The following DPP10 variants were observed in gnomAD, a reference collection of about 807,000 sequenced individuals.
The protein encoded by DPP10 is dipeptidyl peptidase like 10.
In DPP10, 33 loss-of-function variants were observed where a neutral mutation model predicts 120.9. The observed-to-expected ratio is 0.27, with a 90% CI of 0.21 to 0.37. The LOEUF (loss-of-function observed/expected upper bound fraction) is 0.37, where lower values mean the gene tolerates loss of function less well. DPP10 is among the 10% of genes least tolerant of loss of function. The pLI is 1.00. For synonymous variants in DPP10, 337 were observed against 326.1 expected, an observed-to-expected ratio of 1.03 and a Z score of -0.36; for missense variants, 816 against 942.8, an observed-to-expected ratio of 0.87 and a Z score of 1.76.
At chr2:114,620,604 A>G (rs1694020709) in intron 1 of DPP10, among the ~76,000 whole-genome samples, 1 of 152,080 alleles carries the variant, frequency 6.6e-6, no homozygotes, top group Non-Finnish European at 1.5e-5. Flanking sequence ...TCTCTTTTCA[A>G]TTGACAGTGA....
chr2:115,428,009 A>T (rs1172173810), intron 3 of DPP10, among the ~76,000 whole-genome samples: 2 of 152,168 alleles, frequency 1.3e-5, no homozygotes, highest in Non-Finnish European at 2.9e-5. Flanking sequence ...CTGAAGTTCA[A>T]ACTTCCACAG....
chr2:115,467,767 A>G (rs544265949), intron 3 of DPP10, among the ~76,000 whole-genome samples: 13 of 152,312 alleles, frequency 8.5e-5, no homozygotes, highest in South Asian at 6.2e-4. Context: ...TTTGACTACA[A>G]TGGAATATTT....
intron 1 of DPP10, among the ~76,000 whole-genome samples, chr2:115,189,114 G>A (rs2054677006): frequency 6.6e-6 from 1 of 152,166 alleles, no homozygotes; most frequent in Admixed American, 6.5e-5. Context: ...CAGCAAGGCA[G>A]TTTTACTTCT....
At chr2:115,830,420 A>AT (rs935725014) in intron 21 of DPP10, among the ~76,000 whole-genome samples, 84 of 151,020 alleles carry the variant, frequency 5.6e-4, no homozygotes, top group Non-Finnish European at 9.6e-4. Flanking sequence ...TCTTATAAAC[A>AT]TTTTTTTTTA....
chr2:114,893,605 A>G (rs1475926653), intron 1 of DPP10, among the ~76,000 whole-genome samples: 3 of 152,184 alleles, frequency 2.0e-5, no homozygotes, highest in Non-Finnish European at 4.4e-5. Flanking sequence ...CAGATATGAC[A>G]AGGCAGAAGA....
intron 5 of DPP10, among the ~76,000 whole-genome samples, chr2:115,573,517 C>T (rs1438301154): frequency 6.6e-6 from 1 of 150,532 alleles, no homozygotes; most frequent in African/African-American, 2.4e-5. Flanking sequence ...CTCCTGACCT[C>T]GTGATCCGCC....
Position 114,942,147 on chromosome 2 carries a change from C to T in DPP10, c.61-367092C>T, listed in dbSNP as rs192381984. Among the ~76,000 whole-genome samples, 141 of 150,846 alleles carry T rather than the reference C, an allele frequency of 9.3e-4. 1 individual carries two copies. Among genetic ancestry groups the T allele is most frequent in the African/African-American group, 2.9e-3 (121 of 41,082 alleles). ...AATTAGCCAGGCGCGGTGGTGGGTG[C>T]CTATAGTCCCAGCTACTCGGGAGAC... On this transcript the variant is annotated intron_variant, in intron 1 of 25. Coordinates refer to ENST00000410059, the MANE Select transcript of DPP10 (RefSeq NM_020868.6).
chr2:115,199,674 T>G (rs901193417), intron 1 of DPP10, among the ~76,000 whole-genome samples: 6 of 151,930 alleles, frequency 3.9e-5, no homozygotes, highest in Non-Finnish European at 8.8e-5. Context: ...ACATTACTTT[T>G]TCTTTTATTC....
At chr2:115,082,140 A>G (rs746351586) in intron 1 of DPP10, among the ~76,000 whole-genome samples, 4 of 152,106 alleles carry the variant, frequency 2.6e-5, no homozygotes, top group Non-Finnish European at 4.4e-5. Flanking sequence ...CTGTAAGCAG[A>G]CCCTCCCATT....
At chr2:115,798,512 A>G (rs573377194) in intron 19 of DPP10, among the ~76,000 whole-genome samples, 83 of 152,182 alleles carry the variant, frequency 5.5e-4, no homozygotes, top group African/African-American at 1.7e-3. Context: ...ACAGTACATT[A>G]TGAATCATGT....
chr2:115,014,811 T>G (rs1702513918), intron 1 of DPP10, among the ~76,000 whole-genome samples: 1 of 134,696 alleles, frequency 7.4e-6, no homozygotes, highest in African/African-American at 2.8e-5. Context: ...AATCCCTGAA[T>G]AGACCAATAA....
At chr2:114,601,703 G>A (rs918938012) in intron 1 of DPP10, among the ~76,000 whole-genome samples, 1 of 151,972 alleles carries the variant, frequency 6.6e-6, no homozygotes, top group African/African-American at 2.4e-5. Context: ...TGTTACATCT[G>A]AGAAATACAG....
chr2:115,433,749 A>G (rs181737764), intron 3 of DPP10, among the ~76,000 whole-genome samples: 4 of 152,078 alleles, frequency 2.6e-5, no homozygotes, highest in Admixed American at 2.6e-4. Context: ...AACTCCATTT[A>G]TTTCCTTAAA....
chr2:114,509,909 T>C (rs983228223), intron 1 of DPP10, among the ~76,000 whole-genome samples: 3 of 152,224 alleles, frequency 2.0e-5, no homozygotes, highest in Non-Finnish European at 2.9e-5. Flanking sequence ...TGTTTTTACA[T>C]TCATTTTGTG....
At chr2:115,772,186 A>G (rs1008117159) in intron 13 of DPP10, among the ~76,000 whole-genome samples, 5 of 152,168 alleles carry the variant, frequency 3.3e-5, no homozygotes, top group African/African-American at 1.2e-4. Flanking sequence ...TTTTCCCACA[A>G]TGCTAAATAA....
In DPP10 at chr2:114,442,847, T is replaced by C; in HGVS notation, c.60+9T>C. The stretch of plus-strand genomic sequence containing the variant: ...CCTCAAAAACAATCAAGGTAGGATC[T>C]GGTTTTTCCCTCTGCTTCTGCACAT... On this transcript the variant is annotated intron_variant, in intron 1 of 25. Coordinates refer to ENST00000410059, the MANE Select transcript of DPP10 (RefSeq NM_020868.6). The C allele has an allele frequency of 2.5e-6, 4 of 1,613,252 alleles. No homozygotes were observed. The highest frequency in any genetic ancestry group is 3.4e-6 in the Non-Finnish European group (4 of 1,179,466).
intron 1 of DPP10, among the ~76,000 whole-genome samples, chr2:114,812,454 G>A (rs1019541812): frequency 6.6e-6 from 1 of 151,896 alleles, no homozygotes; most frequent in Admixed American, 6.6e-5. Context: ...TGGGCATGGT[G>A]GAATGTGCCT....
intron 1 of DPP10, among the ~76,000 whole-genome samples, chr2:114,475,946 A>AT (rs147103553): frequency 0.14 from 21,216 of 152,116 alleles, 2,101 homozygotes; most frequent in East Asian, 0.32. Flanking sequence ...CACAGTGAAC[A>AT]TTTTTTTGCA....
chr2:115,359,043 G>A (rs2064597833), intron 3 of DPP10, among the ~76,000 whole-genome samples: 1 of 152,156 alleles, frequency 6.6e-6, no homozygotes, highest in African/African-American at 2.4e-5. Flanking sequence ...TATGAGATGG[G>A]TTTCTTGAAG....
Sources: allele counts gnomAD v4.1 joint callset (sites outside exome capture counted in the v4.1 genomes callset), GRCh38; gene constraint gnomAD v4.1.1; transcripts MANE v1.5; gene names NCBI Gene and HGNC (gene_info 2026-07-23, HGNC 2026-07-21).